WDR17: variants seen among roughly 807,000 people sequenced by gnomAD.
WDR17 encodes WD repeat-containing protein 17.
WDR17 carries 143 observed loss-of-function variants against 161.7 expected under a neutral mutation model. That is an observed-to-expected ratio of 0.88 (90% CI 0.77 to 1.02). The LOEUF is 1.02. Ranked by LOEUF, WDR17 falls within the 50% of genes least tolerant of loss-of-function variation. The probability of loss-of-function intolerance (pLI) is 0.00; values close to 1 mark genes in which losing one functional copy is unlikely to be tolerated. For synonymous variants in WDR17, 517 were observed against 515.6 expected (o/e 1.00, Z -0.04); for missense variants, 1,469 against 1,520.9 (o/e 0.97, Z 0.57).
At position 176,162,099 on chromosome 4, in the gene WDR17, A is replaced by G; in HGVS notation, c.2775A>G (p.Glu925=). The stretch of plus-strand genomic sequence containing the variant: ...GACTCCTGCACAAAGTCAGTAAAGA[A>G]CTGGCAGAATGGTATTTTCAAGATG... ...FNELLHKVSK[E]LAEWYFQDGR... Residue 925 remains glutamate (E), a synonymous_variant, in exon 21 of 29, where the codon GAA becomes GAG. Transcript: ENST00000508596. 1 of 1,613,116 alleles carries G rather than the reference A, an allele frequency of 6.2e-7. No homozygotes were observed.
chr4:176,154,178 G>A (rs1310357206), intron 17 of WDR17, among the ~76,000 whole-genome samples: 1 of 152,138 alleles, frequency 6.6e-6, no homozygotes, highest in Non-Finnish European at 1.5e-5. Context: ...TGTACAAGTT[G>A]TTAGAAATAT....
chr4:176,110,934 C>A (rs988586971), intron 1 of WDR17, among the ~76,000 whole-genome samples: 3 of 152,174 alleles, frequency 2.0e-5, no homozygotes, highest in African/African-American at 7.2e-5. Context: ...GCCACATAGA[C>A]AATTTTTGTT....
intron 1 of WDR17, among the ~76,000 whole-genome samples, chr4:176,101,836 AG>A (rs1343877917): frequency 8.5e-5 from 13 of 152,166 alleles, no homozygotes; most frequent in Admixed American, 6.6e-4. Context: ...TTAAAAAAAA[AG>A]AATCTAGACA....
At chr4:176,168,834 A>C in intron 23 of WDR17, 51 bp downstream of exon 23, 1 of 1,570,352 alleles carries the variant, frequency 6.4e-7, no homozygotes. Context: ...GCTATGATTT[A>C]ATTAATTGTA....
At chr4:176,162,907 A>G (rs73005149) in intron 21 of WDR17, among the ~76,000 whole-genome samples, 2,464 of 152,210 alleles carry the variant, frequency 0.016, 75 homozygotes, top group African/African-American at 0.057. Flanking sequence ...CAAAAATAGA[A>G]CCAAGGGTTC....
chr4:176,165,749 A>T (rs4370079), intron 22 of WDR17, among the ~76,000 whole-genome samples: 145,629 of 152,278 alleles, frequency 0.96, 69,961 homozygotes, highest in East Asian at 1. Flanking sequence ...CTCATAACAT[A>T]GTATGTTACA....
At chr4:176,141,240 T>A (rs183137553) in intron 10 of WDR17, among the ~76,000 whole-genome samples, 117 of 152,266 alleles carry the variant, frequency 7.7e-4, no homozygotes, top group African/African-American at 2.6e-3. Context: ...TTGCTGAGAA[T>A]ATACAATGAA....
intron 1 of WDR17, among the ~76,000 whole-genome samples, chr4:176,075,298 C>G (rs1333967351): frequency 5.3e-5 from 8 of 151,756 alleles, no homozygotes; most frequent in Non-Finnish European, 1.2e-4. Flanking sequence ...CGATTTTTCC[C>G]TAAATATCAG....
intron 10 of WDR17, 127 bp downstream of exon 10, chr4:176,140,101 T>G (rs1745019823): frequency 3.1e-6 from 2 of 644,150 alleles, no homozygotes; most frequent in Non-Finnish European, 5.1e-6. Context: ...GCGTTATTTT[T>G]AAGCCCATAT....
chr4:176,166,998 T>C (rs990976737), intron 22 of WDR17, among the ~76,000 whole-genome samples: 2 of 152,226 alleles, frequency 1.3e-5, no homozygotes, highest in Non-Finnish European at 2.9e-5. Context: ...ACTAAAGTTT[T>C]TCTTATTCTA....
At chr4:176,116,090 G>C (rs1740580808) in intron 3 of WDR17, 111 bp downstream of exon 3, 1 of 1,081,912 alleles carries the variant, frequency 9.2e-7, no homozygotes, top group Non-Finnish European at 1.3e-6. Context: ...CTTCTTAATG[G>C]TAATCTGTAT....
chr4:176,143,959 A>G (rs929361610), intron 11 of WDR17, among the ~76,000 whole-genome samples: 2 of 151,866 alleles, frequency 1.3e-5, no homozygotes, highest in African/African-American at 4.8e-5. Context: ...TTTAGCAAGC[A>G]CTACAAGAAG....
At chr4:176,104,833 A>G (rs7698815) in intron 1 of WDR17, among the ~76,000 whole-genome samples, 63,537 of 151,778 alleles carry the variant, frequency 0.42, 13,468 homozygotes, top group African/African-American at 0.45. Flanking sequence ...GGACAAAAAA[A>G]CTATGAAGCA....
At chr4:176,117,096 G>A (rs1214089688) in intron 3 of WDR17, among the ~76,000 whole-genome samples, 1 of 151,898 alleles carries the variant, frequency 6.6e-6, no homozygotes, top group Non-Finnish European at 1.5e-5. Flanking sequence ...ATTGTAAAAA[G>A]TCAGCTATTC....
chr4:176,072,891 G>T (rs1233765221), intron 1 of WDR17, among the ~76,000 whole-genome samples: 1 of 151,972 alleles, frequency 6.6e-6, no homozygotes, highest in Non-Finnish European at 1.5e-5. Flanking sequence ...GGTATAAAAC[G>T]CTGACCTTTT....
At chr4:176,148,028 T>C (rs1294634372) in intron 12 of WDR17, 105 bp from the exon 13 acceptor site, 4 of 913,734 alleles carry the variant, frequency 4.4e-6, no homozygotes, top group Non-Finnish European at 6.2e-6. Flanking sequence ...ATAAAATGCT[T>C]CTAGATAAGC....
rs1447812383 is a variant in WDR17, at chr4:176,123,220, A to G, written c.539-1884A>G. 7.9e-5 allele frequency among the ~76,000 whole-genome samples: 12 copies of G among 152,318 alleles called. No homozygotes were observed. In the South Asian group the frequency reaches 1.9e-3, roughly 24 times the overall value. On this transcript the variant is annotated intron_variant, in intron 4 of 28. Coordinates refer to ENST00000508596, the MANE Select transcript of WDR17 (RefSeq NM_181265.4). Reference sequence around the variant, plus strand: ...GAATGTTGTTGATGACACTCTCTATATAACTGTTACTTAGTGGAAAAAACA... The same window carrying G: ...GAATGTTGTTGATGACACTCTCTATGTAACTGTTACTTAGTGGAAAAAACA...
chr4:176,176,212 C>T (rs1239691013), intron 26 of WDR17, among the ~76,000 whole-genome samples: 1 of 151,876 alleles, frequency 6.6e-6, no homozygotes, highest in Non-Finnish European at 1.5e-5. Flanking sequence ...AGAAAAAGAA[C>T]GGTTTTTATT....
chr4:176,177,531 T>G lies in WDR17; in HGVS notation c.3609T>G (p.Thr1203=). The G allele has an allele frequency of 1.3e-6, 2 of 1,595,368 alleles. No homozygotes were observed. The highest frequency in any genetic ancestry group is 2.3e-5 in the South Asian group (2 of 87,730). ...PSDSQRMIYA[T]LLKRLKEESL... is the part of the protein sequence containing the mutation. Reference sequence around the variant, plus strand: ...ATTCACAAAGAATGATTTATGCAACTTTATTAAAGAGACTAAAAGAAGAGT... The same window carrying G: ...ATTCACAAAGAATGATTTATGCAACGTTATTAAAGAGACTAAAAGAAGAGT... Residue 1203 remains threonine (T), a synonymous_variant, in exon 28 of 29, where the codon ACT becomes ACG. Transcript: ENST00000508596.
Sources: allele counts gnomAD v4.1 joint callset (sites outside exome capture counted in the v4.1 genomes callset), GRCh38; gene constraint gnomAD v4.1.1; transcripts MANE v1.5; gene names NCBI Gene and HGNC (gene_info 2026-07-23, HGNC 2026-07-21).